The following RIMS2 variants were observed in gnomAD, a reference collection of about 807,000 sequenced individuals.
The protein encoded by RIMS2 is regulating synaptic membrane exocytosis 2, also known as regulating synaptic membrane exocytosis protein 2.
A neutral mutation model predicts 174.4 loss-of-function variants in RIMS2; 59 were observed. The observed-to-expected ratio is 0.34, with a 90% CI of 0.27 to 0.42. The LOEUF is 0.42. RIMS2 is among the 10% of genes least tolerant of loss of function. The pLI is 1.00. For synonymous variants in RIMS2, 606 were observed against 572.5 expected, an observed-to-expected ratio of 1.06 and a Z score of -0.84; for missense variants, 1,620 against 1,666.3, an observed-to-expected ratio of 0.97 and a Z score of 0.48.
intron 19 of RIMS2, among the ~76,000 whole-genome samples, chr8:104,049,578 A>G (rs1297514244): frequency 6.6e-6 from 1 of 152,320 alleles, no homozygotes; most frequent in East Asian, 1.9e-4. Flanking sequence ...GCGATCTTGG[A>G]CAAGTTTCCT....
At chr8:103,921,582 A>G in intron 9 of RIMS2, 90 bp from the exon 13 acceptor site, 1 of 685,476 alleles carries the variant, frequency 1.5e-6, no homozygotes, top group Non-Finnish European at 2.7e-6. Flanking sequence ...ACATCAAAAA[A>G]ATAAATAATT....
intron 3 of RIMS2, among the ~76,000 whole-genome samples, chr8:103,816,912 A>G (rs1021270501): frequency 6.6e-5 from 10 of 152,234 alleles, no homozygotes; most frequent in Non-Finnish European, 1.3e-4. Flanking sequence ...AACCTTTTTA[A>G]CAGTAAATGT....
At chr8:103,838,724 A>G (rs908214959) in intron 3 of RIMS2, among the ~76,000 whole-genome samples, 1 of 152,176 alleles carries the variant, frequency 6.6e-6, no homozygotes, top group Non-Finnish European at 1.5e-5. Context: ...CATGTGCAGT[A>G]TATTCTACGC....
At chr8:103,807,362 T>G (rs1238113175) in intron 3 of RIMS2, among the ~76,000 whole-genome samples, 1 of 152,158 alleles carries the variant, frequency 6.6e-6, no homozygotes, top group Admixed American at 6.6e-5. Flanking sequence ...CTGTTTAGTT[T>G]GATAACATGC....
chr8:103,744,516 T>A (rs2097789626), intron 2 of RIMS2, among the ~76,000 whole-genome samples: 1 of 152,220 alleles, frequency 6.6e-6, no homozygotes, highest in Admixed American at 6.5e-5. Context: ...AAGATACGAA[T>A]TAATGGTTCC....
chr8:103,714,834 G>A (rs1184484685), intron 2 of RIMS2, among the ~76,000 whole-genome samples: 1 of 152,014 alleles, frequency 6.6e-6, no homozygotes, highest in African/African-American at 2.4e-5. Flanking sequence ...AGATAGTAAG[G>A]ATGGCCATAA....
At chr8:103,579,244 C>G (rs529389116) in intron 1 of RIMS2, among the ~76,000 whole-genome samples, 1 of 144,158 alleles carries the variant, frequency 6.9e-6, no homozygotes, top group Non-Finnish European at 1.5e-5. Context: ...CTCTCTCCCT[C>G]TCTCTCTGTC....
At chr8:103,754,318 T>A (rs1253415654) in intron 2 of RIMS2, among the ~76,000 whole-genome samples, 1 of 152,186 alleles carries the variant, frequency 6.6e-6, no homozygotes, top group Non-Finnish European at 1.5e-5. Context: ...TTCTGTTGTT[T>A]TACATTTGCT....
At chr8:103,968,001 C>T (rs1307646895) in intron 15 of RIMS2, among the ~76,000 whole-genome samples, 1 of 151,992 alleles carries the variant, frequency 6.6e-6, no homozygotes, top group Non-Finnish European at 1.5e-5. Flanking sequence ...GCTGAGACTA[C>T]AGGCACATGC....
chr8:103,820,848 G>A (rs2098747549), intron 3 of RIMS2, among the ~76,000 whole-genome samples: 1 of 151,332 alleles, frequency 6.6e-6, no homozygotes, highest in African/African-American at 2.4e-5. Flanking sequence ...ATTTTAAGAT[G>A]CTGTTTTCCT....
intron 1 of RIMS2, among the ~76,000 whole-genome samples, chr8:103,521,408 T>C (rs943308340): frequency 3.9e-5 from 6 of 152,262 alleles, no homozygotes; most frequent in African/African-American, 1.4e-4. Context: ...ATCATATGTT[T>C]TACATAGATG....
rs776774730 is a variant in RIMS2, at chr8:103,989,414, A to G, written c.3037A>G (p.Arg1013Gly). 7 of 1,537,272 alleles carry G rather than the reference A, an allele frequency of 4.6e-6. No individual in the cohort carries two copies. In the African/African-American group the frequency reaches 6.8e-5, roughly 15 times the overall value. ...CATGGATGACCATTATTCTCCAGATAGAGACAGGTAAATATGATTAAATAC... is the reference window on the plus strand; with the variant it reads ...CATGGATGACCATTATTCTCCAGATGGAGACAGGTAAATATGATTAAATAC... The change falls in exon 17 of 24, where the codon AGA becomes GGA. Residue 1013 changes from arginine to glycine, a missense_variant. Arg to Gly is a moderately radical substitution (Grantham distance 125). Around this residue, in one of 2 missense-constraint regions of RIMS2, gnomAD observed 1,395 missense variants for 1,360.1 expected, o/e 1.03. Coordinates refer to ENST00000504942, the Ensembl canonical transcript of RIMS2.
At chr8:103,503,955 A>C (rs1821974700) in intron 1 of RIMS2, among the ~76,000 whole-genome samples, 1 of 152,078 alleles carries the variant, frequency 6.6e-6, no homozygotes, top group South Asian at 2.1e-4. Flanking sequence ...AATTTCCTCA[A>C]AGTCCAGCTG....
chr8:104,054,256 G>T (rs2096834590), intron 19 of RIMS2, among the ~76,000 whole-genome samples: 2 of 151,862 alleles, frequency 1.3e-5, no homozygotes, highest in African/African-American at 4.8e-5. Context: ...AAACATTTAG[G>T]ATACATTCCT....
chr8:103,900,616 C>A lies in RIMS2; in HGVS notation c.1625-9518C>A, dbSNP rs184437127. On this transcript the variant is annotated intron_variant, in intron 4 of 23. Coordinates refer to ENST00000504942, the Ensembl canonical transcript of RIMS2. ...ATTTATTACTTATTTTCTATATAAC[C>A]CCAATTTAAAAGTGGGGTTATGATG... is the stretch of plus-strand genomic sequence containing the variant. Among the ~76,000 whole-genome samples the A allele has an allele frequency of 1.8e-3, 269 of 152,086 alleles. 1 individual carries two copies. The highest frequency in any genetic ancestry group is 6.4e-3 in the African/African-American group (264 of 41,482).
At chr8:103,547,534 C>G (rs1845685192) in intron 1 of RIMS2, among the ~76,000 whole-genome samples, 3 of 152,072 alleles carry the variant, frequency 2.0e-5, no homozygotes, top group Non-Finnish European at 2.9e-5. Flanking sequence ...GTTTGTAGTG[C>G]TAAATGTTCA....
At chr8:103,788,718 C>A (rs1323599299) in intron 3 of RIMS2, among the ~76,000 whole-genome samples, 1 of 152,146 alleles carries the variant, frequency 6.6e-6, no homozygotes, top group South Asian at 2.1e-4. Flanking sequence ...TTACTGCTGT[C>A]TTTTTGTTTG....
At chr8:103,752,712 A>G (rs1457961419) in intron 2 of RIMS2, among the ~76,000 whole-genome samples, 1 of 152,036 alleles carries the variant, frequency 6.6e-6, no homozygotes, top group Non-Finnish European at 1.5e-5. Flanking sequence ...ATGGGAGTTC[A>G]CTCATGATTT....
At chr8:104,243,182 A>G (rs2099311339) in intron 19 of RIMS2, among the ~76,000 whole-genome samples, 1 of 152,202 alleles carries the variant, frequency 6.6e-6, no homozygotes, top group African/African-American at 2.4e-5. Flanking sequence ...TATCTAAAAT[A>G]TCAGCCTTAG....
Sources: allele counts gnomAD v4.1 joint callset (sites outside exome capture counted in the v4.1 genomes callset), GRCh38; gene constraint gnomAD v4.1.1; regional missense constraint gnomAD v4.1.1; transcripts MANE v1.5; gene names NCBI Gene and HGNC (gene_info 2026-07-23, HGNC 2026-07-21).